Variants in POFUT3 observed in about 807,000 individuals in gnomAD.
POFUT3 encodes protein O-fucosyltransferase 3, also known as GDP-fucose protein O-fucosyltransferase 3.
chr8:33,378,192 C>G, the POFUT3 span, among the ~76,000 whole-genome samples: 1 of 152,190 alleles, frequency 6.6e-6, no homozygotes, highest in Admixed American at 6.5e-5. Context: ...TGATCTTCCT[C>G]TGCTAGGGGA....
At chr8:33,329,155 A>C in the POFUT3 span, among the ~76,000 whole-genome samples, 33 of 139,354 alleles carry the variant, frequency 2.4e-4, no homozygotes, top group Non-Finnish European at 3.9e-4. Flanking sequence ...TTCTACATCA[A>C]GTGTCCGTCT....
At chr8:33,464,224 T>C in the POFUT3 span, among the ~76,000 whole-genome samples, 1 of 152,268 alleles carries the variant, frequency 6.6e-6, no homozygotes. Context: ...ATGAAGCATA[T>C]AAAATAGATT....
At chr8:33,454,214 G>A in the POFUT3 span, among the ~76,000 whole-genome samples, 1 of 152,188 alleles carries the variant, frequency 6.6e-6, no homozygotes, top group Non-Finnish European at 1.5e-5. Context: ...ACTGGGCTAA[G>A]ACCCAGGGGT....
the POFUT3 span, chr8:33,370,743 T>C: frequency 3.1e-4 from 47 of 152,232 alleles, no homozygotes; most frequent in Non-Finnish European, 5.6e-4. Context: ...GAACTGAAGT[T>C]ATCATGATAA....
chr8:33,402,523 G>A, the POFUT3 span, among the ~76,000 whole-genome samples: 282 of 152,246 alleles, frequency 1.9e-3, 4 homozygotes, highest in South Asian at 0.027. Flanking sequence ...ACCATGTCTA[G>A]GATACCCCTA....
chr8:33,415,552 T>C, the POFUT3 span, among the ~76,000 whole-genome samples: 1 of 152,132 alleles, frequency 6.6e-6, no homozygotes, highest in African/African-American at 2.4e-5. Flanking sequence ...CCCTCATACA[T>C]GTAGCCTGTG....
At chr8:33,372,153 T>C in the POFUT3 span, 7 of 991,930 alleles carry the variant, frequency 7.1e-6, no homozygotes, top group African/African-American at 1.2e-4. Flanking sequence ...TGCCAAGTTC[T>C]AATGTATTTC....
the POFUT3 span, among the ~76,000 whole-genome samples, chr8:33,370,217 T>G: frequency 1.5e-5 from 2 of 133,216 alleles, no homozygotes. Context: ...TGTCCAGGCC[T>G]GGTGGCAGGT....
chr8:33,365,441 G>T, the POFUT3 span, among the ~76,000 whole-genome samples: 1 of 152,270 alleles, frequency 6.6e-6, no homozygotes, highest in East Asian at 1.9e-4. Flanking sequence ...CTTCTGCATG[G>T]CAAAAGAAAC....
chr8:33,465,389 C>CATATATATATATATATATATATATATAT, the POFUT3 span, among the ~76,000 whole-genome samples: 1 of 145,480 alleles, frequency 6.9e-6, no homozygotes, highest in African/African-American at 2.6e-5. Flanking sequence ...TGCCCAAGAT[C>CATATATATATATATATATATATATATAT]ATATATATAT....
At chr8:33,400,346 G>A in the POFUT3 span, among the ~76,000 whole-genome samples, 4 of 151,970 alleles carry the variant, frequency 2.6e-5, no homozygotes, top group South Asian at 2.1e-4. Flanking sequence ...CCAGCTACTC[G>A]GGAAGCTGAG....
the POFUT3 span, among the ~76,000 whole-genome samples, chr8:33,393,353 G>GT: frequency 5.3e-5 from 8 of 152,116 alleles, no homozygotes; most frequent in Non-Finnish European, 4.4e-5. Context: ...TCTGACAAAC[G>GT]TATTCGTTCC....
the POFUT3 span, chr8:33,453,169 G>A: frequency 0.023 from 36,467 of 1,583,318 alleles, 511 homozygotes; most frequent in Non-Finnish European, 0.027. Flanking sequence ...CTCAGCTTTG[G>A]AGGAAGACCA....
chr8:33,360,087 G>A, the POFUT3 span, among the ~76,000 whole-genome samples: 3 of 151,986 alleles, frequency 2.0e-5, no homozygotes, highest in African/African-American at 7.2e-5. Context: ...AATTGTGTCC[G>A]ATAAGTGCCA....
At chr8:33,411,595 C>T in the POFUT3 span, among the ~76,000 whole-genome samples, 1 of 152,158 alleles carries the variant, frequency 6.6e-6, no homozygotes, top group Non-Finnish European at 1.5e-5. Context: ...CGAGACCAGC[C>T]TGGCCAACGT....
At chr8:33,425,784 G>C in the POFUT3 span, among the ~76,000 whole-genome samples, 6 of 151,476 alleles carry the variant, frequency 4.0e-5, no homozygotes, top group Admixed American at 4.0e-4. Context: ...AAATTAGCCA[G>C]CCCTGGTGGT....
the POFUT3 span, among the ~76,000 whole-genome samples, chr8:33,442,571 AC>A: frequency 6.6e-6 from 1 of 151,886 alleles, no homozygotes; most frequent in East Asian, 1.9e-4. Context: ...GGCATGAGCC[AC>A]TGTACCTGGC....
chr8:33,408,907 T>C, the POFUT3 span, among the ~76,000 whole-genome samples: 1 of 152,080 alleles, frequency 6.6e-6, no homozygotes, highest in African/African-American at 2.4e-5. Flanking sequence ...ACTCACCAAC[T>C]GCACACTTAA....
chr8:33,452,785 G>A, the POFUT3 span: 1 of 160,816 alleles, frequency 6.2e-6, no homozygotes, highest in African/African-American at 2.4e-5. Flanking sequence ...GACTCATACA[G>A]ATTTTCAATT....
Sources: gnomAD v4.1 joint callset for allele counts (sites outside exome capture counted in the v4.1 genomes callset) on GRCh38, gnomAD v4.1.1 for gene constraint, MANE v1.5 for transcripts, NCBI Gene and HGNC (gene_info 2026-07-23, HGNC 2026-07-21) for gene names.